Variants in PCMTD2 observed in about 807,000 individuals in gnomAD.
The protein encoded by PCMTD2 is protein-L-isoaspartate O-methyltransferase domain-containing protein 2.
A neutral mutation model predicts 33.4 loss-of-function variants in PCMTD2; 16 were observed. The ratio of observed to expected loss-of-function variants is 0.48; its 90% CI spans 0.32 to 0.73. PCMTD2 has a LOEUF of 0.73. PCMTD2 is among the 30% of genes least tolerant of loss of function. The pLI is 0.03. For missense variants in PCMTD2, 374 were observed against 449.9 expected (o/e 0.83, Z 1.53); for synonymous variants, 161 against 160.8 (o/e 1.00, Z -0.01).
rs774528110 is a variant in PCMTD2, at chr20:64,265,332, G to C, written c.485G>C (p.Arg162Pro). 4 of 1,612,960 alleles carry C rather than the reference G, an allele frequency of 2.5e-6. No homozygotes were observed. The highest frequency in any genetic ancestry group is 3.4e-6 in the Non-Finnish European group (4 of 1,179,564). Reference protein sequence around the residue: ...EISPDCSQYDRVYCGAGVQKE... With the variant: ...EISPDCSQYDPVYCGAGVQKE... ...TCTCCGGATTGTTCTCAGTATGATC[G>C]TGTATACTGTGGGGCTGGCGTGCAG... Residue 162 changes from arginine to proline, a missense_variant, in exon 4 of 6, where the codon CGT becomes CCT. Coordinates refer to ENST00000308824, the MANE Select transcript of PCMTD2 (RefSeq NM_018257.3).
chr20:64,267,173 T>C (rs1442825412), intron 4 of PCMTD2, among the ~76,000 whole-genome samples: 1 of 152,150 alleles, frequency 6.6e-6, no homozygotes, highest in Non-Finnish European at 1.5e-5. Flanking sequence ...CCACACAGAG[T>C]GCACAGAGGG....
intron 5 of PCMTD2, among the ~76,000 whole-genome samples, chr20:64,269,059 A>G (rs1601745814): frequency 6.6e-6 from 1 of 152,308 alleles, no homozygotes; most frequent in African/African-American, 2.4e-5. Context: ...GTGTAGTCAG[A>G]GTTGGGACTG....
chr20:64,267,741 C>T, intron 4 of PCMTD2, 146 bp from the exon 5 acceptor site: 1 of 636,716 alleles, frequency 1.6e-6, no homozygotes, highest in Non-Finnish European at 2.7e-6. Context: ...TACTTCATGG[C>T]ACATCACATT....
At chr20:64,257,977 G>T (rs1386992807) in intron 1 of PCMTD2, among the ~76,000 whole-genome samples, 1 of 152,218 alleles carries the variant, frequency 6.6e-6, no homozygotes, top group Non-Finnish European at 1.5e-5. Flanking sequence ...CTAAAAAGCT[G>T]TCTGAACTTT....
chr20:64,259,916 C>T (rs1318276266), intron 1 of PCMTD2, 26 bp from the exon 2 acceptor site: 7 of 1,205,492 alleles, frequency 5.8e-6, no homozygotes, highest in Non-Finnish European at 8.5e-6. Flanking sequence ...ACATAAATCG[C>T]TCTTTTTAAA....
intron 2 of PCMTD2, among the ~76,000 whole-genome samples, chr20:64,261,582 G>C (rs1985418118): frequency 6.9e-6 from 1 of 145,680 alleles, no homozygotes; most frequent in South Asian, 2.3e-4. Context: ...TGATTTTTGT[G>C]GATATGGAAT....
Position 64,272,005 on chromosome 20 carries a change from G to A in PCMTD2, c.707-1216G>A, listed in dbSNP as rs575499987. 4.7e-5 allele frequency: 16 copies of A among 342,724 alleles called. No individual in the cohort carries two copies. In the East Asian group the frequency reaches 1.0e-3, roughly 22 times the overall value. 21.2% of individuals were successfully genotyped at this position (342,724 alleles called of 1,614,324 possible). On this transcript the variant is annotated intron_variant, in intron 5 of 5. Transcript: ENST00000308824. The stretch of plus-strand genomic sequence containing the variant: ...GGGTCACAGATGGGGCAAGAGGCAC[G>A]ATCGTGGTGTTGAGTGAAGAGAAAG...
At chr20:64,261,463 C>T (rs1246204611) in intron 2 of PCMTD2, among the ~76,000 whole-genome samples, 1 of 152,064 alleles carries the variant, frequency 6.6e-6, no homozygotes, top group African/African-American at 2.4e-5. Flanking sequence ...TAATCCCAGC[C>T]CTTTGGGAAG....
At position 64,260,138 on chromosome 20, in the gene PCMTD2, A is replaced by C. The variant is rs758009481; in HGVS notation, c.173A>C (p.His58Pro). 2.5e-6 allele frequency: 4 copies of C among 1,613,906 alleles called. No homozygotes were observed. The highest frequency in any genetic ancestry group is 8.5e-7 in the Non-Finnish European group (1 of 1,179,754). ...ENAYKDLAWKHGNIHLSAPCI... is the reference protein window; with the variant it reads ...ENAYKDLAWKPGNIHLSAPCI... The stretch of plus-strand genomic sequence containing the variant: ...GCTTATAAAGACTTGGCATGGAAGC[A>C]TGGAAACATTCACCTCTCAGCCCCG... Residue 58 changes from histidine (H) to proline (P), a missense_variant, in exon 2 of 6, where the codon CAT becomes CCT. Transcript: ENST00000308824.
chr20:64,268,091 A>T, intron 5 of PCMTD2, 81 bp downstream of exon 5: 1 of 1,209,520 alleles, frequency 8.3e-7, no homozygotes, highest in Non-Finnish European at 1.2e-6. Context: ...AAAATTTACA[A>T]CAAACCTTTT....
chr20:64,269,886 CGTGTGAGTGCGGGCATGCATGGTGTGTG>C (rs1985822764), intron 5 of PCMTD2, among the ~76,000 whole-genome samples: 1 of 131,476 alleles, frequency 7.6e-6, no homozygotes, highest in Non-Finnish European at 1.6e-5. Flanking sequence ...CGTGTGGGGT[CGTGTGAGTGCGGGCATGCATGGTGTGTG>C]GTGTGAGTGT....
chr20:64,268,767 A>T (rs2273447), intron 5 of PCMTD2, among the ~76,000 whole-genome samples: 36,007 of 151,982 alleles, frequency 0.24, 5,021 homozygotes, highest in African/African-American at 0.38. Context: ...ACATTTTGGC[A>T]AATCTCTTCC....
chr20:64,260,938 C>T (rs906479899), intron 2 of PCMTD2, among the ~76,000 whole-genome samples: 4 of 152,080 alleles, frequency 2.6e-5, no homozygotes, highest in African/African-American at 7.2e-5. Flanking sequence ...CAGCTCTCCA[C>T]CTGCCTCAGC....
rs116706034 is a variant in PCMTD2, at chr20:64,261,400, A to G, written c.307+1128A>G. 1.3e-3 allele frequency among the ~76,000 whole-genome samples: 191 copies of G among 152,228 alleles called. 1 individual carries two copies. The highest frequency in any genetic ancestry group is 4.5e-3 in the African/African-American group (186 of 41,530). On this transcript the variant is annotated intron_variant, in intron 2 of 5. Transcript: ENST00000308824. Reference sequence around the variant, plus strand: ...GACAGGATTTACGGGTGGACTGTATATGCTTGTGAAAGAAACGTCAGGAAT... The same window carrying G: ...GACAGGATTTACGGGTGGACTGTATGTGCTTGTGAAAGAAACGTCAGGAAT...
intron 4 of PCMTD2, among the ~76,000 whole-genome samples, chr20:64,266,810 G>A (rs1985679179): frequency 6.6e-6 from 1 of 152,026 alleles, no homozygotes; most frequent in Admixed American, 6.5e-5. Flanking sequence ...TCTTTACAAT[G>A]TTTCATCTGC....
intron 5 of PCMTD2, chr20:64,272,240 G>A (rs1487962241): frequency 1.1e-5 from 5 of 457,142 alleles, no homozygotes; most frequent in African/African-American, 6.0e-5. Context: ...GGTAATAAAC[G>A]TTGTGCACAA....
intron 5 of PCMTD2, chr20:64,272,336 A>C: frequency 3.5e-6 from 1 of 285,588 alleles, no homozygotes; most frequent in Non-Finnish European, 7.5e-6. Context: ...TTTTCAGTTT[A>C]ATGTAATTTT....
chr20:64,267,896 A>G lies in PCMTD2; in HGVS notation c.592A>G (p.Ile198Val), dbSNP rs1188296122. 20 of 1,613,460 alleles carry G rather than the reference A, an allele frequency of 1.2e-5. No individual in the cohort carries two copies. Among genetic ancestry groups the G allele is most frequent in the East Asian group, 2.2e-5 (1 of 44,888 alleles). Residue 198 changes from isoleucine to valine, a missense_variant, in exon 5 of 6, where the codon ATA (isoleucine) becomes GTA (valine). By Grantham distance (29) the Ile-to-Val change is conservative (BLOSUM62 3). Coordinates refer to ENST00000308824, the MANE Select transcript of PCMTD2 (RefSeq NM_018257.3). ...TTTGTCTCTGGGATAGTTGACTAAG[A>G]TAACACGCACAGGTCCTTCAGCTTG... ...VMPLEEKLTK[I>V]TRTGPSAWET... is the part of the protein sequence containing the mutation.
At chr20:64,258,041 C>G (rs549150597) in intron 1 of PCMTD2, among the ~76,000 whole-genome samples, 1 of 152,290 alleles carries the variant, frequency 6.6e-6, no homozygotes, top group South Asian at 2.1e-4. Flanking sequence ...AAAATGAAAC[C>G]TATCCAACAT....
Sources: allele counts gnomAD v4.1 joint callset (sites outside exome capture counted in the v4.1 genomes callset), GRCh38; gene constraint gnomAD v4.1.1; transcripts MANE v1.5; gene names NCBI Gene and HGNC (gene_info 2026-07-23, HGNC 2026-07-21).